AHCYL2: variants seen among roughly 807,000 people sequenced by gnomAD.
AHCYL2 encodes S-adenosylhomocysteine hydrolase-like protein 2.
In AHCYL2, 28 loss-of-function variants were observed where a neutral mutation model predicts 81.4. The observed-to-expected ratio is 0.34, with a 90% CI of 0.25 to 0.47. The LOEUF (loss-of-function observed/expected upper bound fraction) is 0.47. Ranked by LOEUF, AHCYL2 falls within the 20% of genes least tolerant of loss-of-function variation. The probability of loss-of-function intolerance (pLI) is 1.00; values close to 1 mark genes in which losing one functional copy is unlikely to be tolerated. For missense variants in AHCYL2, 551 were observed against 785.1 expected (o/e 0.70, Z 3.56); for synonymous variants, 272 against 290.2 (o/e 0.94, Z 0.64).
intron 1 of AHCYL2, among the ~76,000 whole-genome samples, chr7:129,260,811 C>T (rs1407104267): frequency 1.3e-5 from 2 of 151,596 alleles, no homozygotes; most frequent in African/African-American, 4.9e-5. Flanking sequence ...TTTTTTGAGA[C>T]GGAGTCTTGC....
At chr7:129,232,696 C>T (rs1442785435) in intron 1 of AHCYL2, among the ~76,000 whole-genome samples, 1 of 152,214 alleles carries the variant, frequency 6.6e-6, no homozygotes, top group Non-Finnish European at 1.5e-5. Context: ...CATGTAGTAT[C>T]AGTCTCTAGC....
intron 1 of AHCYL2, among the ~76,000 whole-genome samples, chr7:129,316,150 C>T (rs753492011): frequency 2.6e-5 from 4 of 151,998 alleles, no homozygotes; most frequent in East Asian, 3.8e-4. Context: ...AAGAGCCCAC[C>T]GGGAGTATTA....
intron 1 of AHCYL2, among the ~76,000 whole-genome samples, chr7:129,260,975 A>G (rs1181508342): frequency 1.3e-5 from 2 of 152,132 alleles, no homozygotes; most frequent in African/African-American, 4.8e-5. Flanking sequence ...TCTTTAGTAG[A>G]GACAGTGTTT....
intron 1 of AHCYL2, among the ~76,000 whole-genome samples, chr7:129,291,310 TATC>T (rs898201578): frequency 6.6e-6 from 1 of 152,196 alleles, no homozygotes; most frequent in Non-Finnish European, 1.5e-5. Flanking sequence ...GGATTATACA[TATC>T]ATTTATTCTT....
At chr7:129,417,934 G>T (rs985649486) in intron 12 of AHCYL2, among the ~76,000 whole-genome samples, 1 of 152,132 alleles carries the variant, frequency 6.6e-6, no homozygotes, top group Non-Finnish European at 1.5e-5. Flanking sequence ...GCAAGATAAG[G>T]GTATTGGGGA....
intron 1 of AHCYL2, among the ~76,000 whole-genome samples, chr7:129,361,332 T>A (rs6467242): frequency 0.35 from 53,742 of 152,082 alleles, 10,232 homozygotes; most frequent in African/African-American, 0.51. Context: ...AGCTTCTCTC[T>A]TGCCACGGCC....
At position 129,422,998 on chromosome 7, in the gene AHCYL2, C is replaced by T. The variant is rs190742202; in HGVS notation, c.1560+60C>T. On this transcript the variant is annotated intron_variant, in intron 13 of 16. Transcript: ENST00000325006. ...ACAGGAGAGACTGCAATACCCAGGT[C>T]CCCTCCTCCTCATGTTCTCGAATAC... The T allele has an allele frequency of 3.8e-5, 54 of 1,411,876 alleles. No homozygotes were observed. In the African/African-American group the frequency reaches 6.8e-4, roughly 18 times the overall value. The allele number at this position is 1,411,876 out of a possible 1,614,324, so 87.5% of individuals were successfully genotyped here.
chr7:129,390,700 A>G (rs1219135872), intron 4 of AHCYL2, among the ~76,000 whole-genome samples: 2 of 152,184 alleles, frequency 1.3e-5, no homozygotes, highest in African/African-American at 4.8e-5. Flanking sequence ...ACAAACTGAC[A>G]TGAAAAGGAA....
At chr7:129,229,205 T>A (rs1794333145) in intron 1 of AHCYL2, among the ~76,000 whole-genome samples, 1 of 152,110 alleles carries the variant, frequency 6.6e-6, no homozygotes, top group African/African-American at 2.4e-5. Flanking sequence ...GTAGCTGGGA[T>A]TACAGGCATG....
intron 1 of AHCYL2, among the ~76,000 whole-genome samples, chr7:129,276,991 G>A (rs940556052): frequency 3.9e-5 from 6 of 151,984 alleles, no homozygotes; most frequent in Admixed American, 1.3e-4. Flanking sequence ...AAAGAACAGC[G>A]TTGTGAAAAA....
At chr7:129,405,751 C>T in intron 8 of AHCYL2, 85 bp from the exon 9 acceptor site, 1 of 1,275,462 alleles carries the variant, frequency 7.8e-7, no homozygotes, top group Non-Finnish European at 1.1e-6. Context: ...AACCAAAAAA[C>T]CCCATGAAAA....
At chr7:129,280,871 T>C (rs542144774) in intron 1 of AHCYL2, among the ~76,000 whole-genome samples, 1 of 151,510 alleles carries the variant, frequency 6.6e-6, no homozygotes, top group East Asian at 1.9e-4. Flanking sequence ...TTGATTCTTT[T>C]TTTTTTTTTT....
At chr7:129,322,419 C>T (rs1409973809) in intron 1 of AHCYL2, among the ~76,000 whole-genome samples, 1 of 147,476 alleles carries the variant, frequency 6.8e-6, no homozygotes, top group African/African-American at 2.7e-5. Context: ...GGATTACAGG[C>T]GCACTGCGCC....
intron 1 of AHCYL2, among the ~76,000 whole-genome samples, chr7:129,324,362 T>C (rs1003068813): frequency 2.0e-5 from 3 of 152,224 alleles, no homozygotes; most frequent in African/African-American, 7.2e-5. Flanking sequence ...TTACATTTGA[T>C]GTGATTATTC....
intron 1 of AHCYL2, among the ~76,000 whole-genome samples, chr7:129,322,737 G>T (rs879587072): frequency 3.3e-5 from 5 of 152,016 alleles, no homozygotes; most frequent in Non-Finnish European, 7.4e-5. Context: ...GGCTATAGGC[G>T]TGCATCACCA....
intron 4 of AHCYL2, among the ~76,000 whole-genome samples, chr7:129,392,568 A>T (rs557139543): frequency 2.1e-4 from 32 of 152,344 alleles, no homozygotes; most frequent in Non-Finnish European, 4.1e-4. Flanking sequence ...AGTTTTTAAC[A>T]TATGACTCTG....
chr7:129,379,895 G>A (rs2303303), intron 2 of AHCYL2, 146 bp downstream of exon 2: 162,182 of 580,180 alleles, frequency 0.28, 24,102 homozygotes, highest in Middle Eastern at 0.37. Flanking sequence ...CTAAAATGCT[G>A]GGTGGAATAT....
chr7:129,270,688 G>A lies in AHCYL2; in HGVS notation c.363+45249G>A, dbSNP rs557941932. Among the ~76,000 whole-genome samples, 45 of 152,278 alleles carry A rather than the reference G, an allele frequency of 3.0e-4. 2 individuals are homozygous for A. The South Asian group carries it at 8.5e-3, about 29-fold the overall frequency. ...AGAGACTTAGTTTTAACAACCACAT[G>A]GGAATAAGAGACTTTTTTACTCCCT... is the stretch of plus-strand genomic sequence containing the variant. On this transcript the variant is annotated intron_variant, in intron 1 of 16. Transcript: ENST00000325006.
chr7:129,390,362 A>G (rs763450476), intron 4 of AHCYL2, among the ~76,000 whole-genome samples: 1 of 152,232 alleles, frequency 6.6e-6, no homozygotes, highest in Non-Finnish European at 1.5e-5. Context: ...AAGGGACATG[A>G]GCATCCTCAG....
Sources: allele counts gnomAD v4.1 joint callset (sites outside exome capture counted in the v4.1 genomes callset), GRCh38; gene constraint gnomAD v4.1.1; transcripts MANE v1.5; gene names NCBI Gene and HGNC (gene_info 2026-07-23, HGNC 2026-07-21).